ACBD6: variants seen among roughly 807,000 people sequenced by gnomAD.
The protein encoded by ACBD6 is acyl-CoA-binding domain-containing protein 6.
ACBD6 carries 28 observed loss-of-function variants against 37.2 expected under a neutral mutation model. The observed-to-expected ratio is 0.75, with a 90% confidence interval of 0.56 to 1.03. The LOEUF is 1.03. Among genes scored for constraint, ACBD6 ranks in the 50% least tolerant of loss-of-function variants. The pLI is 0.00. For missense variants in ACBD6, 340 were observed against 337.4 expected (o/e 1.01, Z -0.06); for synonymous variants, 113 against 126.8 (o/e 0.89, Z 0.73).
chr1:180,308,956 A>G (rs893059888), intron 7 of ACBD6, among the ~76,000 whole-genome samples: 1 of 152,226 alleles, frequency 6.6e-6, no homozygotes, highest in African/African-American at 2.4e-5. Flanking sequence ...TATTCATAGT[A>G]CTAATAGAAC....
chr1:180,316,170 G>A (rs923986169), intron 6 of ACBD6, among the ~76,000 whole-genome samples: 2 of 152,062 alleles, frequency 1.3e-5, no homozygotes, highest in African/African-American at 4.8e-5. Context: ...CTTATGCAGG[G>A]CAGCCTGACA....
chr1:180,317,108 A>T (rs540457059), intron 6 of ACBD6, among the ~76,000 whole-genome samples: 2 of 152,342 alleles, frequency 1.3e-5, no homozygotes, highest in South Asian at 4.1e-4. Flanking sequence ...ATTTTTCAAA[A>T]TGGAGCTATA....
At chr1:180,315,332 A>AACTATATAT in intron 6 of ACBD6, among the ~76,000 whole-genome samples, 1 of 152,294 alleles carries the variant, frequency 6.6e-6, no homozygotes, top group South Asian at 2.1e-4. Context: ...AAACCAAGAA[A>AACTATATAT]ACTATATATA....
intron 6 of ACBD6, among the ~76,000 whole-genome samples, chr1:180,316,010 A>T (rs1650784543): frequency 6.6e-6 from 1 of 152,070 alleles, no homozygotes; most frequent in Non-Finnish European, 1.5e-5. Context: ...AAGTCAGGAA[A>T]CACAAGAGAT....
intron 6 of ACBD6, among the ~76,000 whole-genome samples, chr1:180,384,720 T>C (rs1018225445): frequency 1.7e-4 from 26 of 152,192 alleles, no homozygotes; most frequent in African/African-American, 5.8e-4. Context: ...TGTAGCACTA[T>C]TCACAATACC....
exon 14 of ACBD6, chr1:180,270,167 A>T (rs1395465267): frequency 6.6e-6 from 1 of 152,276 alleles, no homozygotes; most frequent in East Asian, 1.9e-4. Context: ...TGCTGACTCC[A>T]GGGAGAGCCT....
At chr1:180,449,632 TC>T (rs1404535737) in intron 3 of ACBD6, among the ~76,000 whole-genome samples, 1 of 151,916 alleles carries the variant, frequency 6.6e-6, no homozygotes, top group Non-Finnish European at 1.5e-5. Flanking sequence ...GGTCTTGAAC[TC>T]CTGACCTCAA....
chr1:180,337,301 C>G (rs1223821445), intron 6 of ACBD6, among the ~76,000 whole-genome samples: 4 of 152,040 alleles, frequency 2.6e-5, no homozygotes, highest in Non-Finnish European at 2.9e-5. Context: ...AAAGCTTATC[C>G]ACTGTGATCA....
chr1:180,282,849 G>A (rs140487996), intron 8 of ACBD6, among the ~76,000 whole-genome samples: 46 of 152,164 alleles, frequency 3.0e-4, no homozygotes, highest in African/African-American at 1.0e-3. Context: ...TTCAGAATGC[G>A]CATTAACCAC....
intron 6 of ACBD6, among the ~76,000 whole-genome samples, chr1:180,323,282 A>C (rs181311719): frequency 3.0e-4 from 45 of 152,166 alleles, no homozygotes; most frequent in Admixed American, 1.3e-3. Flanking sequence ...GAAGATGCTT[A>C]ATATTATTTC....
At chr1:180,446,525 C>A (rs1649482514) in intron 3 of ACBD6, among the ~76,000 whole-genome samples, 1 of 152,148 alleles carries the variant, frequency 6.6e-6, no homozygotes, top group African/African-American at 2.4e-5. Flanking sequence ...CTATTCATTT[C>A]AAGTAGAAAA....
chr1:180,313,398 C>T (rs1359496748), intron 7 of ACBD6, among the ~76,000 whole-genome samples: 2 of 152,152 alleles, frequency 1.3e-5, no homozygotes, highest in South Asian at 2.1e-4. Flanking sequence ...GATAGCACAG[C>T]GAGGTTTCTC....
chr1:180,329,811 A>G (rs1393971176), intron 6 of ACBD6, among the ~76,000 whole-genome samples: 1 of 152,198 alleles, frequency 6.6e-6, no homozygotes, highest in Non-Finnish European at 1.5e-5. Flanking sequence ...ACCAGTTGCC[A>G]TCAGTGTCAC....
chr1:180,300,453 G>A (rs1650088373), intron 7 of ACBD6, among the ~76,000 whole-genome samples: 1 of 152,000 alleles, frequency 6.6e-6, no homozygotes, highest in African/African-American at 2.4e-5. Context: ...AGAATCCAGT[G>A]ACCTAGTGAA....
intron 3 of ACBD6, among the ~76,000 whole-genome samples, chr1:180,430,704 T>A (rs1429542204): frequency 1.8e-5 from 2 of 112,740 alleles, no homozygotes; most frequent in Admixed American, 9.0e-5. Flanking sequence ...TGTTTTTGGG[T>A]TAAAAAAAAA....
chr1:180,351,902 T>A (rs1652434188), intron 6 of ACBD6, among the ~76,000 whole-genome samples: 1 of 152,192 alleles, frequency 6.6e-6, no homozygotes, highest in African/African-American at 2.4e-5. Flanking sequence ...AATATGCATA[T>A]CCATCAGCAG....
At chr1:180,369,320 T>G (rs1284735850) in intron 6 of ACBD6, among the ~76,000 whole-genome samples, 1 of 152,236 alleles carries the variant, frequency 6.6e-6, no homozygotes, top group African/African-American at 2.4e-5. Flanking sequence ...TTGGCCACCC[T>G]TCAGGCCTAG....
intron 6 of ACBD6, among the ~76,000 whole-genome samples, chr1:180,373,869 T>C (rs1653344677): frequency 6.6e-6 from 1 of 152,182 alleles, no homozygotes; most frequent in Non-Finnish European, 1.5e-5. Context: ...ACATTATCAA[T>C]TGATATTTTT....
intron 6 of ACBD6, among the ~76,000 whole-genome samples, chr1:180,344,169 G>A (rs1023289044): frequency 1.3e-5 from 2 of 152,166 alleles, no homozygotes; most frequent in East Asian, 1.9e-4. Flanking sequence ...AGAATAAAGA[G>A]CATAAATGGG....
Sources: allele counts gnomAD v4.1 joint callset (sites outside exome capture counted in the v4.1 genomes callset), GRCh38; gene constraint gnomAD v4.1.1; transcripts MANE v1.5; gene names NCBI Gene and HGNC (gene_info 2026-07-23, HGNC 2026-07-21).